Variants in LZTS1 observed in about 807,000 individuals in gnomAD.
LZTS1 encodes leucine zipper putative tumor suppressor 1.
LZTS1 carries 31 observed loss-of-function variants against 45.8 expected under a neutral mutation model. The observed-to-expected ratio is 0.68, with a 90% CI of 0.51 to 0.91. The LOEUF (loss-of-function observed/expected upper bound fraction) is 0.91, where lower values mean the gene tolerates loss of function less well. LZTS1 is among the 40% of genes least tolerant of loss of function. LZTS1 has a pLI of 0.00. For synonymous variants in LZTS1, 359 were observed against 357.3 expected, an observed-to-expected ratio of 1.00 and a Z score of -0.05; for missense variants, 821 against 788.9, an observed-to-expected ratio of 1.04 and a Z score of -0.49.
In LZTS1 at chr8:20,253,446, A is replaced by T; in HGVS notation, c.485T>A (p.Leu162Gln). The T allele has an allele frequency of 6.2e-7, 1 of 1,611,648 alleles. No individual in the cohort carries two copies. The highest frequency in any genetic ancestry group is 2.2e-5 in the East Asian group (1 of 44,836). ...CGCCCCAGAGCACAGGCCAGGCTTC[A>T]GCTCCTGCTCCTTGGGCTTGTCTGG... ...APPDKPKEQE[L>Q]KPGLCSGALS... The change falls in exon 3 of 4, where the codon CTG becomes CAG. Residue 162 changes from leucine to glutamine, a missense_variant. Physicochemically the swap from Leu to Gln is moderately radical, Grantham distance 113 (BLOSUM62 -2). Coordinates refer to ENST00000381569, the MANE Select transcript of LZTS1 (RefSeq NM_021020.5).
rs1799758660 is a variant in LZTS1, at chr8:20,247,266, C to T, written c.*2456G>A. The T allele has an allele frequency of 6.6e-6, 1 of 152,342 alleles. No homozygotes were observed. Among genetic ancestry groups the T allele is most frequent in the African/African-American group, 2.4e-5 (1 of 41,394 alleles). The allele number at this position is 152,342 out of a possible 1,614,324, so 9.4% of individuals were successfully genotyped here. A position where few individuals can be genotyped will look rare whatever the true frequency, so the allele number is the denominator to read the frequency against. On this transcript the variant is annotated 3_prime_UTR_variant, in exon 4 of 4. Coordinates refer to ENST00000381569, the MANE Select transcript of LZTS1 (RefSeq NM_021020.5). ...CGGAGCACAGCCTCCGCCTCAGGGC[C>T]TTCCCCTGGGTGTGGCAGCCACTTC...
At chr8:20,292,889 C>CTCTAT (rs1230132611) in intron 1 of LZTS1, among the ~76,000 whole-genome samples, 1 of 152,176 alleles carries the variant, frequency 6.6e-6, no homozygotes, top group Non-Finnish European at 1.5e-5. Context: ...CTCTCTGGGC[C>CTCTAT]TCTATGTCTT....
At chr8:20,286,906 T>G (rs1563893428) in intron 1 of LZTS1, among the ~76,000 whole-genome samples, 1 of 152,020 alleles carries the variant, frequency 6.6e-6, no homozygotes, top group Non-Finnish European at 1.5e-5. Flanking sequence ...AGGTAAAAAT[T>G]ATGGTGTCAG....
In LZTS1 at chr8:20,276,077, G is replaced by T. The variant is rs140163518; in HGVS notation, c.-134-20762C>A. 7.1e-4 allele frequency among the ~76,000 whole-genome samples: 108 copies of T among 152,210 alleles called. 2 individuals are homozygous for T. Among genetic ancestry groups the T allele is most frequent in the East Asian group, 1.9e-3 (10 of 5,186 alleles). Reference sequence around the variant, plus strand: ...ATTATAACTACTTCCAAAAAATAAAGAAAATGTTTAAGAGGCCTATAGGTT... The same window carrying T: ...ATTATAACTACTTCCAAAAAATAAATAAAATGTTTAAGAGGCCTATAGGTT... On this transcript the variant is annotated intron_variant, in intron 1 of 3. Coordinates refer to ENST00000381569, the MANE Select transcript of LZTS1 (RefSeq NM_021020.5).
chr8:20,286,634 C>T (rs1800796334), intron 1 of LZTS1, among the ~76,000 whole-genome samples: 1 of 152,186 alleles, frequency 6.6e-6, no homozygotes, highest in Admixed American at 6.5e-5. Context: ...AGCAATCCCA[C>T]TCGTAGAGGT....
chr8:20,257,951 G>C (rs1346086960), intron 1 of LZTS1, among the ~76,000 whole-genome samples: 2 of 148,310 alleles, frequency 1.3e-5, no homozygotes, highest in Non-Finnish European at 3.0e-5. Flanking sequence ...CGGGATTATA[G>C]GCGTGAGCCA....
At chr8:20,281,833 G>C (rs1388860234) in intron 1 of LZTS1, among the ~76,000 whole-genome samples, 2 of 152,116 alleles carry the variant, frequency 1.3e-5, no homozygotes, top group Admixed American at 1.3e-4. Context: ...CCTCTCTTCT[G>C]TATAAATTAC....
chr8:20,297,623 C>T (rs1800998260), intron 1 of LZTS1, among the ~76,000 whole-genome samples: 1 of 152,152 alleles, frequency 6.6e-6, no homozygotes, highest in South Asian at 2.1e-4. Context: ...GCCATGTTGA[C>T]CAGGCTTGTC....
chr8:20,293,864 A>C (rs1800940046), intron 1 of LZTS1, among the ~76,000 whole-genome samples: 1 of 152,214 alleles, frequency 6.6e-6, no homozygotes, highest in Non-Finnish European at 1.5e-5. Context: ...TCGAGGCTGC[A>C]GTAAGCAGGG....
rs544834730 is a variant in LZTS1, at chr8:20,276,083, G to C, written c.-134-20768C>G. ...ACTACTTCCAAAAAATAAAGAAAAT[G>C]TTTAAGAGGCCTATAGGTTATCAAG... On this transcript the variant is annotated intron_variant, in intron 1 of 3. Coordinates refer to ENST00000381569, the MANE Select transcript of LZTS1 (RefSeq NM_021020.5). 5.3e-5 allele frequency among the ~76,000 whole-genome samples: 8 copies of C among 152,224 alleles called. No homozygotes were observed. In the South Asian group the frequency reaches 8.3e-4, roughly 16 times the overall value.
rs747506414 is a variant in LZTS1, at chr8:20,252,950, C to T, written c.981G>A (p.Ala327=). The T allele has an allele frequency of 1.1e-5, 18 of 1,593,728 alleles. No homozygotes were observed. The highest frequency in any genetic ancestry group is 3.3e-5 in the South Asian group (3 of 90,198). The part of the protein sequence containing the change: ...LKQASQKSQR[A]QQVLHLQVLQ... ...GTACCTGCAGGTGCAGGACCTGCTGCGCGCGCTGGCTCTTCTGCGAGGCCT... is the reference window on the plus strand; with the variant it reads ...GTACCTGCAGGTGCAGGACCTGCTGTGCGCGCTGGCTCTTCTGCGAGGCCT... Residue 327 remains alanine (A), a synonymous_variant, in exon 3 of 4, where the codon GCG becomes GCA. Coordinates refer to ENST00000381569, the MANE Select transcript of LZTS1 (RefSeq NM_021020.5).
At chr8:20,267,819 C>T (rs113127898) in intron 1 of LZTS1, among the ~76,000 whole-genome samples, 3 of 152,208 alleles carry the variant, frequency 2.0e-5, no homozygotes, top group African/African-American at 7.2e-5. Flanking sequence ...CCGGCCCAGA[C>T]CTCACACTTG....
intron 2 of LZTS1, among the ~76,000 whole-genome samples, chr8:20,254,418 A>C (rs1179723454): frequency 6.6e-6 from 1 of 152,138 alleles, no homozygotes; most frequent in Non-Finnish European, 1.5e-5. Context: ...ACCCACCCCC[A>C]CGAGTCTCCC....
intron 1 of LZTS1, among the ~76,000 whole-genome samples, chr8:20,302,394 T>C (rs923202979): frequency 1.3e-5 from 2 of 152,176 alleles, no homozygotes; most frequent in Non-Finnish European, 2.9e-5. Context: ...AATACCCATA[T>C]GCGCACACTC....
chr8:20,296,980 C>G (rs1403784243), intron 1 of LZTS1, among the ~76,000 whole-genome samples: 1 of 152,122 alleles, frequency 6.6e-6, no homozygotes, highest in African/African-American at 2.4e-5. Flanking sequence ...CACACACATT[C>G]CCTCTCTGCT....
chr8:20,270,797 C>G (rs1165945294), intron 1 of LZTS1, among the ~76,000 whole-genome samples: 8 of 99,326 alleles, frequency 8.1e-5, no homozygotes, highest in Admixed American at 3.8e-4. Context: ...CGAGTGTGTC[C>G]TCTGTGTGTG....
intron 1 of LZTS1, among the ~76,000 whole-genome samples, chr8:20,288,708 C>G (rs974965538): frequency 1.3e-5 from 2 of 152,122 alleles, no homozygotes; most frequent in East Asian, 1.9e-4. Context: ...GCCCCTGGCA[C>G]CCCTCTCCCC....
At chr8:20,294,447 C>T (rs960703909) in intron 1 of LZTS1, among the ~76,000 whole-genome samples, 2 of 152,224 alleles carry the variant, frequency 1.3e-5, no homozygotes, top group African/African-American at 4.8e-5. Flanking sequence ...CTGGGGAGTC[C>T]TTCCCAGGCC....
intron 1 of LZTS1, among the ~76,000 whole-genome samples, chr8:20,281,315 T>G (rs1800687330): frequency 6.6e-6 from 1 of 151,828 alleles, no homozygotes; most frequent in Non-Finnish European, 1.5e-5. Context: ...ATCCCAGCAC[T>G]TTGGGAGGCT....
Sources: gnomAD v4.1 joint callset for allele counts (sites outside exome capture counted in the v4.1 genomes callset) on GRCh38, gnomAD v4.1.1 for gene constraint, MANE v1.5 for transcripts, NCBI Gene and HGNC (gene_info 2026-07-23, HGNC 2026-07-21) for gene names.